ZMAT4: variants seen among roughly 807,000 people sequenced by gnomAD.
ZMAT4 encodes the protein zinc finger matrin-type 4, also known as zinc finger matrin-type protein 4.
In ZMAT4, 17 loss-of-function variants were observed where a neutral mutation model predicts 28.7. The ratio of observed to expected loss-of-function variants is 0.59; its 90% CI spans 0.41 to 0.89. ZMAT4 has a LOEUF of 0.89. ZMAT4 is among the 40% of genes least tolerant of loss of function. The pLI is 0.00. For missense variants in ZMAT4, 240 were observed against 283.8 expected, an observed-to-expected ratio of 0.85 and a Z score of 1.11; for synonymous variants, 117 against 109.2, an observed-to-expected ratio of 1.07 and a Z score of -0.44.
At position 40,559,412 on chromosome 8, in the gene ZMAT4, G is replaced by C. The variant is rs114248294; in HGVS notation, c.674+21753C>G. ...CATGCATCATACTGAACCCCTTCAT[G>C]AATATGCATTCCTCCTCCTAACATA... On this transcript the variant is annotated intron_variant, in intron 6 of 6. Coordinates refer to ENST00000297737, the MANE Select transcript of ZMAT4 (RefSeq NM_024645.3). Among the ~76,000 whole-genome samples, 907 of 152,144 alleles carry C rather than the reference G, an allele frequency of 6.0e-3. 14 individuals are homozygous for C. The highest frequency in any genetic ancestry group is 0.02 in the African/African-American group (838 of 41,494).
chr8:40,590,114 G>A (rs1252499571), intron 5 of ZMAT4, among the ~76,000 whole-genome samples: 1 of 150,868 alleles, frequency 6.6e-6, no homozygotes, highest in African/African-American at 2.4e-5. Context: ...CGAACTCCAG[G>A]GCTCAAGCAT....
chr8:40,684,995 T>C (rs1809336550), intron 4 of ZMAT4, among the ~76,000 whole-genome samples: 1 of 152,186 alleles, frequency 6.6e-6, no homozygotes, highest in African/African-American at 2.4e-5. Flanking sequence ...TAATAACCTA[T>C]GGTTTGCAAG....
chr8:40,723,748 A>T (rs1811205480), intron 3 of ZMAT4, among the ~76,000 whole-genome samples: 1 of 152,148 alleles, frequency 6.6e-6, no homozygotes, highest in Non-Finnish European at 1.5e-5. Flanking sequence ...ATTGGAACAC[A>T]ATACATTTGT....
At chr8:40,669,991 T>C (rs1190761415) in intron 5 of ZMAT4, among the ~76,000 whole-genome samples, 1 of 152,226 alleles carries the variant, frequency 6.6e-6, no homozygotes, top group Non-Finnish European at 1.5e-5. Context: ...CCCAAATTGG[T>C]CTATAGCCTG....
At chr8:40,888,779 G>A (rs1188395002) in intron 1 of ZMAT4, among the ~76,000 whole-genome samples, 1 of 152,250 alleles carries the variant, frequency 6.6e-6, no homozygotes, top group African/African-American at 2.4e-5. Flanking sequence ...GGCCACCTCG[G>A]GGGGGCCCGC....
chr8:40,676,750 T>C (rs879787805), intron 4 of ZMAT4, among the ~76,000 whole-genome samples: 1 of 152,188 alleles, frequency 6.6e-6, no homozygotes, highest in Non-Finnish European at 1.5e-5. Context: ...TTAATGGTGT[T>C]ATTTTTACAG....
intron 3 of ZMAT4, among the ~76,000 whole-genome samples, chr8:40,752,871 GTCT>G (rs149475458): frequency 0.089 from 13,524 of 152,064 alleles, 784 homozygotes; most frequent in Middle Eastern, 0.17. Context: ...CATGCTGGCT[GTCT>G]TCTTCTTTTT....
chr8:40,761,806 T>G (rs1463739275), intron 3 of ZMAT4, among the ~76,000 whole-genome samples: 6 of 152,186 alleles, frequency 3.9e-5, no homozygotes, highest in Admixed American at 3.9e-4. Flanking sequence ...TGACACACAC[T>G]TTACAATTTA....
chr8:40,647,393 G>A (rs542314476), intron 5 of ZMAT4, among the ~76,000 whole-genome samples: 2 of 152,350 alleles, frequency 1.3e-5, no homozygotes, highest in South Asian at 2.1e-4. Flanking sequence ...CGCACCACAA[G>A]ATTATATCCC....
At chr8:40,764,668 G>T (rs1271215468) in intron 3 of ZMAT4, among the ~76,000 whole-genome samples, 1 of 152,160 alleles carries the variant, frequency 6.6e-6, no homozygotes, top group Non-Finnish European at 1.5e-5. Flanking sequence ...AGGAAGTGAG[G>T]TGAGTAGAAT....
intron 4 of ZMAT4, among the ~76,000 whole-genome samples, chr8:40,682,201 C>T (rs1809200783): frequency 6.6e-6 from 1 of 152,108 alleles, no homozygotes; most frequent in Non-Finnish European, 1.5e-5. Flanking sequence ...ATATATAGGC[C>T]ACATTTAATG....
At chr8:40,686,030 A>C (rs1256562803) in intron 4 of ZMAT4, among the ~76,000 whole-genome samples, 1 of 152,188 alleles carries the variant, frequency 6.6e-6, no homozygotes, top group Non-Finnish European at 1.5e-5. Context: ...CTTGCACCTC[A>C]GCCATACCAA....
chr8:40,564,344 G>A (rs1803845424), intron 6 of ZMAT4, among the ~76,000 whole-genome samples: 1 of 152,060 alleles, frequency 6.6e-6, no homozygotes, highest in African/African-American at 2.4e-5. Flanking sequence ...GCCCAACCCT[G>A]GACCCTAAAA....
At chr8:40,587,510 G>T (rs768793114) in intron 5 of ZMAT4, among the ~76,000 whole-genome samples, 1 of 152,056 alleles carries the variant, frequency 6.6e-6, no homozygotes, top group Non-Finnish European at 1.5e-5. Context: ...GCTCGGAGTA[G>T]AACAATATTG....
intron 4 of ZMAT4, among the ~76,000 whole-genome samples, chr8:40,682,243 A>T (rs1320719914): frequency 6.6e-6 from 1 of 152,228 alleles, no homozygotes; most frequent in African/African-American, 2.4e-5. Context: ...TCTAAAAAAC[A>T]CTGCTTAGGG....
intron 2 of ZMAT4, among the ~76,000 whole-genome samples, chr8:40,822,697 A>G (rs1481418652): frequency 6.6e-6 from 1 of 152,216 alleles, no homozygotes; most frequent in African/African-American, 2.4e-5. Context: ...CCCTTTTCAC[A>G]TGCTCAGCAG....
intron 6 of ZMAT4, among the ~76,000 whole-genome samples, chr8:40,575,168 G>T (rs541897226): frequency 3.7e-4 from 57 of 152,100 alleles, no homozygotes; most frequent in Non-Finnish European, 7.1e-4. Flanking sequence ...ACCCCAGGCT[G>T]TCCAAGCCAA....
intron 1 of ZMAT4, among the ~76,000 whole-genome samples, chr8:40,849,886 C>T (rs553143385): frequency 6.6e-6 from 1 of 152,164 alleles, no homozygotes; most frequent in Non-Finnish European, 1.5e-5. Context: ...CAAATGCCAT[C>T]AGCAAGTGTG....
intron 5 of ZMAT4, among the ~76,000 whole-genome samples, chr8:40,589,130 T>C (rs894540348): frequency 5.3e-5 from 8 of 152,198 alleles, no homozygotes; most frequent in Non-Finnish European, 7.3e-5. Context: ...AATACTGATA[T>C]ATGCCATATA....
Sources: gnomAD v4.1 joint callset for allele counts (sites outside exome capture counted in the v4.1 genomes callset) on GRCh38, gnomAD v4.1.1 for gene constraint, MANE v1.5 for transcripts, NCBI Gene and HGNC (gene_info 2026-07-23, HGNC 2026-07-21) for gene names.